The following CFDP1 variants were observed in gnomAD, a reference collection of about 807,000 sequenced individuals.
CFDP1 encodes heterochromatin-stabilizing protein CFDP1.
A neutral mutation model predicts 40.1 loss-of-function variants in CFDP1; 31 were observed. That is an observed-to-expected ratio of 0.77 (90% CI 0.58 to 1.04). CFDP1 has a LOEUF of 1.04. Among genes scored for constraint, CFDP1 ranks in the 50% least tolerant of loss-of-function variants. CFDP1 has a pLI of 0.00. For synonymous variants in CFDP1, 167 were observed against 120.0 expected (o/e 1.39, Z -2.56); for missense variants, 423 against 343.4 (o/e 1.23, Z -1.83).
chr16:75,318,140 C>CA (rs952982298), intron 5 of CFDP1, among the ~76,000 whole-genome samples: 5 of 151,160 alleles, frequency 3.3e-5, no homozygotes, highest in East Asian at 3.9e-4. Flanking sequence ...CTCCGTATCA[C>CA]AAAAAAAAGA....
rs2078985481 is a variant in CFDP1, at chr16:75,395,115, G to C, written c.625C>G (p.Leu209Val). ...CCTGACCCGGCAGGGAGTGATGGCA[G>C]AGCTGAAGGAACATTAGCCTGTGGT... ...EKPQANVPSA[L>V]PSLPAGSGLK... is the part of the protein sequence containing the mutation. The change falls in exon 5 of 7, where the codon CTG becomes GTG. Residue 209 changes from leucine (L) to valine (V), a missense_variant. Transcript: ENST00000283882. 6.2e-7 allele frequency: 1 copy of C among 1,613,944 alleles called. No homozygotes were observed. Among genetic ancestry groups the C allele is most frequent in the Non-Finnish European group, 8.5e-7 (1 of 1,179,902 alleles).
At chr16:75,350,480 A>ATAAT (rs1430713076) in intron 5 of CFDP1, among the ~76,000 whole-genome samples, 1 of 152,208 alleles carries the variant, frequency 6.6e-6, no homozygotes, top group Non-Finnish European at 1.5e-5. Flanking sequence ...TCTCTAATGA[A>ATAAT]TAATTATGTA....
At chr16:75,367,914 A>T (rs566410190) in intron 5 of CFDP1, among the ~76,000 whole-genome samples, 1 of 151,942 alleles carries the variant, frequency 6.6e-6, no homozygotes, top group African/African-American at 2.4e-5. Context: ...AGACCAGCCC[A>T]GCCAACATGG....
At chr16:75,340,496 G>A (rs1452280566) in intron 5 of CFDP1, among the ~76,000 whole-genome samples, 1 of 152,050 alleles carries the variant, frequency 6.6e-6, no homozygotes, top group Non-Finnish European at 1.5e-5. Context: ...AACCACTTAT[G>A]TTGCCTATTC....
At chr16:75,304,233 T>A (rs1040596835) in intron 6 of CFDP1, among the ~76,000 whole-genome samples, 3 of 152,060 alleles carry the variant, frequency 2.0e-5, no homozygotes, top group African/African-American at 7.2e-5. Flanking sequence ...TATGCCTGGC[T>A]AATTCTTATA....
intron 3 of CFDP1, 152 bp downstream of exon 3, chr16:75,412,383 G>C (rs2079170723): frequency 1.4e-6 from 1 of 715,074 alleles, no homozygotes; most frequent in Non-Finnish European, 2.5e-6. Context: ...TACATGATTA[G>C]AGAAGCTTAT....
rs2151499703 is a variant in CFDP1 at position 75,303,506 on chromosome 16, C to CCCCA, written c.809+1517_809+1518insTGGG. Among the ~76,000 whole-genome samples the CCCCA allele has an allele frequency of 1.4e-5, 2 of 143,418 alleles. 1 individual carries two copies. Among genetic ancestry groups the CCCCA allele is most frequent in the South Asian group, 4.9e-4 (2 of 4,116 alleles). 94.1% of individuals were successfully genotyped at this position (143,418 alleles called of 152,430 possible). A position where few individuals can be genotyped will look rare whatever the true frequency, so the allele number is the denominator to read the frequency against. On this transcript the variant is annotated intron_variant, in intron 6 of 6. Transcript: ENST00000283882. Reference sequence around the variant, plus strand: ...TGAAGCCTAATTTAGAAATATGACCCCCCCCAATAAATCCTTTGTCTATCA... The same window carrying CCCCA: ...TGAAGCCTAATTTAGAAATATGACCCCCCACCCCCAATAAATCCTTTGTCTATCA...
At chr16:75,372,752 C>T (rs1393781964) in intron 5 of CFDP1, among the ~76,000 whole-genome samples, 1 of 152,160 alleles carries the variant, frequency 6.6e-6, no homozygotes, top group Admixed American at 6.5e-5. Context: ...ATTAACTTTT[C>T]TCCTGGTATT....
rs377590352 is a variant in CFDP1 at position 75,336,873 on chromosome 16, C to G, written c.651-31691G>C. Among the ~76,000 whole-genome samples, 43 of 152,292 alleles carry G rather than the reference C, an allele frequency of 2.8e-4. 1 individual carries two copies. The South Asian group carries it at 6.8e-3, about 24-fold the overall frequency. On this transcript the variant is annotated intron_variant, in intron 5 of 6. Coordinates refer to ENST00000283882, the MANE Select transcript of CFDP1 (RefSeq NM_006324.3). Reference sequence around the variant, plus strand: ...TCTCTTTATTAACAAAATTTAGCATCTTTTCTAATGTATGAGCCATTTGTA... The same window carrying G: ...TCTCTTTATTAACAAAATTTAGCATGTTTTCTAATGTATGAGCCATTTGTA...
Position 75,366,588 on chromosome 16 carries a change from A to G in CFDP1, c.650+28502T>C, listed in dbSNP as rs368797341. ...CAGTGAGCCGAGATCGTGCCACTGT[A>G]CTCTAACCTGGAGTGGATAGAGTGA... On this transcript the variant is annotated intron_variant, in intron 5 of 6. Transcript: ENST00000283882. Among the ~76,000 whole-genome samples, 11 of 152,236 alleles carry G rather than the reference A, an allele frequency of 7.2e-5. No homozygotes were observed. In the East Asian group the frequency reaches 1.7e-3, roughly 24 times the overall value.
intron 5 of CFDP1, among the ~76,000 whole-genome samples, chr16:75,341,800 T>C (rs936602954): frequency 6.6e-6 from 1 of 152,186 alleles, no homozygotes; most frequent in African/African-American, 2.4e-5. Flanking sequence ...GGACTCCCTT[T>C]CTGTGCTCAG....
chr16:75,313,390 C>T (rs931507677), intron 5 of CFDP1, among the ~76,000 whole-genome samples: 3 of 152,128 alleles, frequency 2.0e-5, no homozygotes, highest in African/African-American at 4.8e-5. Context: ...AGTGCAGTGG[C>T]GTGGTCTCGG....
rs180818359 is a variant in CFDP1, at chr16:75,307,019, C to T, written c.651-1837G>A. ...TCTCATCTTCCTTACTGCTACTGCCCGAATTCTCATTCTTATATCACCTGG... is the reference window on the plus strand; with the variant it reads ...TCTCATCTTCCTTACTGCTACTGCCTGAATTCTCATTCTTATATCACCTGG... On this transcript the variant is annotated intron_variant, in intron 5 of 6. Coordinates refer to ENST00000283882, the MANE Select transcript of CFDP1 (RefSeq NM_006324.3). Among the ~76,000 whole-genome samples, 9 of 152,164 alleles carry T rather than the reference C, an allele frequency of 5.9e-5. No individual in the cohort carries two copies. The East Asian group carries it at 1.4e-3, about 23-fold the overall frequency.
Position 75,304,796 on chromosome 16 carries a change from G to A in CFDP1, c.809+228C>T, listed in dbSNP as rs1389975748. Among the ~76,000 whole-genome samples, 6 of 152,132 alleles carry A rather than the reference G, an allele frequency of 3.9e-5. No homozygotes were observed. The South Asian group carries it at 1.0e-3, about 26-fold the overall frequency. ...AGCTTGGCAGATGTGACTGGCCCCT[G>A]AGAGTACTCCTCACATGCCCCGCCT... On this transcript the variant is annotated intron_variant, in intron 6 of 6. Coordinates refer to ENST00000283882, the MANE Select transcript of CFDP1 (RefSeq NM_006324.3).
At chr16:75,345,374 T>C (rs1423698647) in intron 5 of CFDP1, among the ~76,000 whole-genome samples, 2 of 152,046 alleles carry the variant, frequency 1.3e-5, no homozygotes, top group African/African-American at 4.8e-5. Context: ...TGAGAATCGC[T>C]TGAATGTGGG....
At chr16:75,430,045 G>C (rs1164056619) in intron 1 of CFDP1, among the ~76,000 whole-genome samples, 1 of 152,194 alleles carries the variant, frequency 6.6e-6, no homozygotes, top group Non-Finnish European at 1.5e-5. Flanking sequence ...ACAACTCGGG[G>C]TGGGAGTGCT....
chr16:75,359,487 A>G (rs1011678829), intron 5 of CFDP1, among the ~76,000 whole-genome samples: 6 of 152,218 alleles, frequency 3.9e-5, no homozygotes, highest in Non-Finnish European at 5.9e-5. Flanking sequence ...AGTCTATTCA[A>G]TGATGCTGTT....
At chr16:75,314,735 G>C (rs572655356) in intron 5 of CFDP1, among the ~76,000 whole-genome samples, 1 of 152,134 alleles carries the variant, frequency 6.6e-6, no homozygotes, top group Non-Finnish European at 1.5e-5. Context: ...AAAAGGAAAT[G>C]AAGGACAATA....
intron 6 of CFDP1, among the ~76,000 whole-genome samples, chr16:75,294,879 G>A: frequency 6.6e-6 from 1 of 152,132 alleles, no homozygotes; most frequent in East Asian, 1.9e-4. Context: ...AAGCAGCAAG[G>A]GCTGAAGCAC....
Sources: gnomAD v4.1 joint callset for allele counts (sites outside exome capture counted in the v4.1 genomes callset) on GRCh38, gnomAD v4.1.1 for gene constraint, MANE v1.5 for transcripts, NCBI Gene and HGNC (gene_info 2026-07-23, HGNC 2026-07-21) for gene names.